Variants in MFRP observed in about 807,000 individuals in gnomAD.
MFRP encodes C1q and TNF related 5.
MFRP carries 74 observed loss-of-function variants against 65.8 expected under a neutral mutation model. That is an observed-to-expected ratio of 1.12 (90% CI 0.93 to 1.36). MFRP has a LOEUF of 1.36. Ranked by LOEUF, MFRP falls within the 40% of genes most tolerant of loss-of-function variation. MFRP has a pLI of 0.00. For missense variants in MFRP, 838 were observed against 736.0 expected (o/e 1.14, Z -1.60); for synonymous variants, 336 against 288.3 (o/e 1.17, Z -1.68).
Position 119,344,339 on chromosome 11 carries a change from G to T in MFRP, c.951C>A (p.Tyr317Ter), listed in dbSNP as rs730882141. ...CCAGTTGGTGAGGGTACTGCTGCAG[G>T]TAGCTGGGAGTAGAGAAAGTGCCCT... ...GLQGTFSTPS[Y>*]LQQYPHQLLC... Residue 317 changes from tyrosine (Y) to a stop codon, truncating the protein, a stop_gained, in exon 8 of 15, where the codon TAC becomes TAA. Coordinates refer to ENST00000619721, the MANE Select transcript of MFRP (RefSeq NM_031433.4). LOFTEE classifies it high-confidence loss of function. 3 of 1,614,040 alleles carry T rather than the reference G, an allele frequency of 1.9e-6. No individual in the cohort carries two copies. Among genetic ancestry groups the T allele is most frequent in the Admixed American group, 3.3e-5 (2 of 60,016 alleles).
chr11:119,343,683 G>T, intron 9 of MFRP, 133 bp downstream of exon 9: 1 of 1,139,588 alleles, frequency 8.8e-7, no homozygotes, highest in Non-Finnish European at 1.3e-6. Context: ...TAGGGTGATG[G>T]TGAAGAGACC....
intron 14 of MFRP, 69 bp downstream of exon 14, chr11:119,340,115 C>T: frequency 2.7e-6 from 4 of 1,462,238 alleles, no homozygotes; most frequent in Non-Finnish European, 3.6e-6. Context: ...GTCCCGGACA[C>T]CGGGAGCTGG....
Position 119,340,180 on chromosome 11 carries a change from T to C in MFRP, c.*1110+4A>G, listed in dbSNP as rs908260426. The C allele has an allele frequency of 5.3e-6, 8 of 1,514,368 alleles. No individual in the cohort carries two copies. Among genetic ancestry groups the C allele is most frequent in the Non-Finnish European group, 7.1e-6 (8 of 1,134,174 alleles). 93.8% of individuals were successfully genotyped at this position (1,514,368 alleles called of 1,614,324 possible). A position where few individuals can be genotyped will look rare whatever the true frequency, so the allele number is the denominator to read the frequency against. ...CACCGATAGCCGCGGCGGTGCCTTC[T>C]TACCCGGCCTCCCGCCCTCGCCTTT... On this transcript the variant is annotated splice_donor_region_variant and intron_variant, in intron 14 of 14. Coordinates refer to ENST00000619721, the MANE Select transcript of MFRP (RefSeq NM_031433.4).
Position 119,339,080 on chromosome 11 carries a change from G to T in MFRP, c.*1879C>A. 2.0e-6 allele frequency: 1 copy of T among 491,358 alleles called. No homozygotes were observed. Among genetic ancestry groups the T allele is most frequent in the South Asian group, 3.5e-5 (1 of 28,912 alleles). The allele number at this position is 491,358 out of a possible 1,614,324, so 30.4% of individuals were successfully genotyped here. On this transcript the variant is annotated 3_prime_UTR_variant, in exon 15 of 15. Coordinates refer to ENST00000619721, the MANE Select transcript of MFRP (RefSeq NM_031433.4). This position sits in a 1 kb window ranked among gnomAD's most constrained non-coding sequence, Gnocchi z 5.4. ...GGCTCCTGGACCAGAGCAACTGGGG[G>T]ACTTACACTTGCCAGCACAGCACAC...
rs748020341 is a variant in MFRP at position 119,341,631 on chromosome 11, G to A, written c.1657C>T (p.Leu553=). Residue 553 remains leucine, a synonymous_variant, in exon 13 of 15, where the codon CTG becomes TTG. Transcript: ENST00000619721. ...QEAEHQCQSG[L]ALLGTPWPFN... ...GGCCAGGGGGTGCCCAGTAGTGCCA[G>A]GCCAGACTGGCACTGGTGCTCCGCT... 6.2e-7 allele frequency: 1 copy of A among 1,613,000 alleles called. No homozygotes were observed. Among genetic ancestry groups the A allele is most frequent in the East Asian group, 2.2e-5 (1 of 44,890 alleles).
At position 119,345,848 on chromosome 11, in the gene MFRP, T is replaced by C. The variant is rs1342696322; in HGVS notation, c.352A>G (p.Thr118Ala). 2 of 1,613,208 alleles carry C rather than the reference T, an allele frequency of 1.2e-6. No homozygotes were observed. The highest frequency in any genetic ancestry group is 1.3e-5 in the African/African-American group (1 of 74,676). Residue 118 changes from threonine (T) to alanine (A), a missense_variant, in exon 4 of 15, where the codon ACC (threonine) becomes GCC (alanine). By Grantham distance (58) the Thr-to-Ala change is moderately conservative. Transcript: ENST00000619721. ...CCAGCTGCCTGAGAGGTGGTGATGG[T>C]GGGGGTGGTGGTGGTCGTGGTAAGG... Reference protein sequence around the residue: ...GGLTTTTTTPTITTSQAAGTP... With the variant: ...GGLTTTTTTPAITTSQAAGTP...
Position 119,343,829 on chromosome 11 carries a change from T to C in MFRP, c.1111A>G (p.Ser371Gly). The change falls in exon 9 of 15, where the codon AGC (serine) becomes GGC (glycine). Residue 371 changes from serine to glycine, a missense_variant. Transcript: ENST00000619721. ...VYETSSSGAF[S>G]LLGRFCGAEP... ...TGGCTCCTGTACCTGCCCAGGAGGC[T>C]GAAGGCCCCTGAGCTGCTGGTCTCA... The C allele has an allele frequency of 3.7e-6, 6 of 1,613,920 alleles. No homozygotes were observed. The highest frequency in any genetic ancestry group is 5.1e-6 in the Non-Finnish European group (6 of 1,180,012).
chr11:119,346,025 A>C, intron 3 of MFRP, 21 bp downstream of exon 3: 2 of 1,612,710 alleles, frequency 1.2e-6, no homozygotes. Flanking sequence ...CCCTCGTTTC[A>C]AGCTGTCCCC....
rs1320266625 is a variant in MFRP, at chr11:119,339,372, G to A, written c.*1587C>T. The A allele has an allele frequency of 2.5e-6, 4 of 1,613,084 alleles. No individual in the cohort carries two copies. In the South Asian group the frequency reaches 4.4e-5, roughly 18 times the overall value. On this transcript the variant is annotated 3_prime_UTR_variant, in exon 15 of 15. Coordinates refer to ENST00000619721, the MANE Select transcript of MFRP (RefSeq NM_031433.4). The surrounding 1 kb of genome is among the most constrained non-coding windows in gnomAD (Gnocchi z 5.4). ...GAGCTGTGCCAGTCGGAGTACACCA[G>A]AAATCCGGAGAAGGTGCTGTCTGTC... is the stretch of plus-strand genomic sequence containing the variant.
rs2135372066 is a variant in MFRP, at chr11:119,344,659, C to T, written c.871G>A (p.Glu291Lys). 1.2e-6 allele frequency: 2 copies of T among 1,614,082 alleles called. No homozygotes were observed. Among genetic ancestry groups the T allele is most frequent in the East Asian group, 2.2e-5 (1 of 44,872 alleles). ...GFANCADGSD[E>K]TNCSAKFSGC... ...GAGAACTTGGCACTGCAATTGGTCT[C>T]ATCACTGCCGTCAGCACAGTTGGCA... Residue 291 changes from glutamate (E) to lysine (K), a missense_variant, in exon 7 of 15, where the codon GAG (glutamate) becomes AAG (lysine). Transcript: ENST00000619721.
At position 119,344,878 on chromosome 11, in the gene MFRP, C is replaced by T. The variant is rs370837458; in HGVS notation, c.768G>A (p.Gly256=). Residue 256 remains glycine, a synonymous_variant, in exon 6 of 15, where the codon GGG becomes GGA. Transcript: ENST00000619721. The stretch of plus-strand genomic sequence containing the variant: ...GGCAGGTGGGAACACACTCACCGCG[C>T]CCAGGGGCCATAGCCTGGTACCAGG... ...FHAWYQAMAP[G]RGSCAHDEFR... is the part of the protein sequence containing the mutation. 2.1e-4 allele frequency: 340 copies of T among 1,613,206 alleles called. 1 individual carries two copies. The highest frequency in any genetic ancestry group is 2.7e-4 in the Non-Finnish European group (318 of 1,179,948).
rs1950484165 is a variant in MFRP at position 119,339,997 on chromosome 11, C to G, written c.*1111-149G>C. ...CACGGGTACCTCCTCCACCCCTTCC[C>G]GCAGGGCAGATCTGGGGGGCTGGCC... On this transcript the variant is annotated intron_variant, in intron 14 of 14. Coordinates refer to ENST00000619721, the MANE Select transcript of MFRP (RefSeq NM_031433.4). This position sits in a 1 kb window ranked among gnomAD's most constrained non-coding sequence, Gnocchi z 5.4. 1 of 1,299,590 alleles carries G rather than the reference C, an allele frequency of 7.7e-7. No individual in the cohort carries two copies. The highest frequency in any genetic ancestry group is 1.0e-6 in the Non-Finnish European group (1 of 990,610). 80.5% of individuals were successfully genotyped at this position (1,299,590 alleles called of 1,614,324 possible). A position where few individuals can be genotyped will look rare whatever the true frequency, so the allele number is the denominator to read the frequency against.
Position 119,346,270 on chromosome 11 carries a change from A to G in MFRP, c.157+2T>C. ...CCCCAGGTCACCCCCTGGGATGGTT[A>G]CCATGCCAGGGAGCTGGGACGCTGT... On this transcript the variant is annotated splice_donor_variant, in intron 2 of 14. Coordinates refer to ENST00000619721, the MANE Select transcript of MFRP (RefSeq NM_031433.4). LOFTEE classifies it high-confidence loss of function. 6.2e-7 allele frequency: 1 copy of G among 1,611,396 alleles called. No homozygotes were observed. Among genetic ancestry groups the G allele is most frequent in the Non-Finnish European group, 8.5e-7 (1 of 1,178,840 alleles).
chr11:119,342,567 C>T, intron 11 of MFRP, 29 bp downstream of exon 11: 4 of 1,611,982 alleles, frequency 2.5e-6, no homozygotes, highest in East Asian at 2.2e-5. Context: ...ACCCAGCCTG[C>T]TCAGGGTCCC....
At position 119,344,960 on chromosome 11, in the gene MFRP, C is replaced by T. The variant is rs1258959448; in HGVS notation, c.686G>A (p.Ser229Asn). The change falls in exon 6 of 15, where the codon AGC (serine) becomes AAC (asparagine). Residue 229 changes from serine (S) to asparagine (N), a missense_variant. Physicochemically the swap from Ser to Asn is conservative, Grantham distance 46 (BLOSUM62 1). Coordinates refer to ENST00000619721, the MANE Select transcript of MFRP (RefSeq NM_031433.4). Reference protein sequence around the residue: ...VPPPTLNTNASHLLVVFVSDS... With the variant: ...VPPPTLNTNANHLLVVFVSDS... ...AGAGACGAAGACCACCAGGAGGTGG[C>T]TGGCATTGGTGTTGAGCGTGGGGGG... The T allele has an allele frequency of 6.2e-7, 1 of 1,609,658 alleles. No individual in the cohort carries two copies. The highest frequency in any genetic ancestry group is 8.5e-7 in the Non-Finnish European group (1 of 1,178,558).
chr11:119,339,613 G>C lies in MFRP; in HGVS notation c.*1346C>G, dbSNP rs1216321606. ...CGGTGGCATGGACGGCGAAGTAGTA[G>C]ACCCCAGGCACCTGGCAGGTGAACT... On this transcript the variant is annotated 3_prime_UTR_variant, in exon 15 of 15. Transcript: ENST00000619721. The surrounding 1 kb of genome is among the most constrained non-coding windows in gnomAD (Gnocchi z 5.4). 1 of 1,613,150 alleles carries C rather than the reference G, an allele frequency of 6.2e-7. No individual in the cohort carries two copies. Among genetic ancestry groups the C allele is most frequent in the East Asian group, 2.2e-5 (1 of 44,882 alleles).
rs776478874 is a variant in MFRP, at chr11:119,345,445, G to A, written c.616C>T (p.Pro206Ser). The A allele has an allele frequency of 1.2e-5, 20 of 1,613,882 alleles. 1 individual carries two copies. Among genetic ancestry groups the A allele is most frequent in the East Asian group, 6.7e-5 (3 of 44,890 alleles). The change falls in exon 5 of 15, where the codon CCT (proline) becomes TCT (serine). Residue 206 changes from proline (P) to serine (S), a missense_variant. Physicochemically the swap from Pro to Ser is moderately conservative, Grantham distance 74. Transcript: ENST00000619721. Reference sequence around the variant, plus strand: ...CTGAGGAGGGGGCCTTCAGGCTCAGGGGAGAGTTCCAAGCGATCAAAAAGG... The same window carrying A: ...CTGAGGAGGGGGCCTTCAGGCTCAGAGGAGAGTTCCAAGCGATCAAAAAGG... ...SCLFDRLELS[P>S]EPEGPLLRVC...
Position 119,339,909 on chromosome 11 carries a change from CG to C in MFRP, c.*1111-62del. 1.4e-6 allele frequency: 2 copies of C among 1,427,998 alleles called. No individual in the cohort carries two copies. The highest frequency in any genetic ancestry group is 1.8e-6 in the Non-Finnish European group (2 of 1,097,734). 88.5% of individuals were successfully genotyped at this position (1,427,998 alleles called of 1,614,324 possible). On this transcript the variant is annotated intron_variant, in intron 14 of 14. Transcript: ENST00000619721. The surrounding 1 kb of genome is among the most constrained non-coding windows in gnomAD (Gnocchi z 5.4). ...GGCGGCTCAGCCCGCAGCGGGGCGG[CG>C]ACTCTAAGGTCACCGTACCCCTCCC...
At position 119,341,538 on chromosome 11, in the gene MFRP, G is replaced by A. The variant is rs760062834; in HGVS notation, c.*10C>T. The A allele has an allele frequency of 6.2e-6, 10 of 1,609,078 alleles. No homozygotes were observed. The highest frequency in any genetic ancestry group is 2.7e-5 in the African/African-American group (2 of 74,876). On this transcript the variant is annotated 3_prime_UTR_variant, in exon 13 of 15. Transcript: ENST00000619721. ...GACGGGCAGGAAGAGGGCAGGGGCC[G>A]GCTTCAGGGTCAGGGCTGGGCACAA...
Sources: gnomAD v4.1 joint callset for allele counts on GRCh38, gnomAD v4.1.1 for gene constraint, Gnocchi (gnomAD v3.1) non-coding constraint, MANE v1.5 for transcripts, NCBI Gene and HGNC (gene_info 2026-07-23, HGNC 2026-07-21) for gene names.